Variants in MED27 observed in about 807,000 individuals in gnomAD.
MED27 encodes the protein mediator of RNA polymerase II transcription subunit 27.
In MED27, 30 loss-of-function variants were observed where a neutral mutation model predicts 38.2. The observed-to-expected ratio is 0.79, with a 90% confidence interval of 0.59 to 1.07. The LOEUF is 1.07. Ranked by LOEUF, MED27 falls within the 50% of genes least tolerant of loss-of-function variation. MED27 has a pLI of 0.00. For synonymous variants in MED27, 122 were observed against 153.5 expected (o/e 0.79, Z 1.52); for missense variants, 289 against 397.5 (o/e 0.73, Z 2.32).
intron 4 of MED27, among the ~76,000 whole-genome samples, chr9:131,909,527 T>C (rs951615847): frequency 2.0e-5 from 3 of 152,152 alleles, no homozygotes; most frequent in Non-Finnish European, 2.9e-5. Flanking sequence ...GTGAAGGTGG[T>C]CCCCACACAG....
chr9:131,880,816 C>T (rs1162220547), intron 6 of MED27, among the ~76,000 whole-genome samples: 1 of 152,068 alleles, frequency 6.6e-6, no homozygotes, highest in East Asian at 1.9e-4. Context: ...CTTTCTAAAT[C>T]TATGCTTCAC....
intron 3 of MED27, among the ~76,000 whole-genome samples, chr9:131,950,833 G>A (rs557152336): frequency 3.3e-5 from 5 of 152,216 alleles, no homozygotes; most frequent in Admixed American, 6.5e-5. Flanking sequence ...CAATAAACAT[G>A]TGGTGAACGG....
At chr9:131,884,244 T>C (rs1589183766) in intron 5 of MED27, 145 bp from the exon 6 acceptor site, 1 of 547,892 alleles carries the variant, frequency 1.8e-6, no homozygotes, top group African/African-American at 2.0e-5. Context: ...TTGAAAAGGA[T>C]CTTAAATGTC....
intron 2 of MED27, among the ~76,000 whole-genome samples, chr9:132,043,076 A>T (rs1289451990): frequency 6.6e-6 from 1 of 152,068 alleles, no homozygotes; most frequent in Non-Finnish European, 1.5e-5. Flanking sequence ...AATTTAAATG[A>T]CTCTTCAGAA....
chr9:131,978,065 C>T (rs758326503), intron 3 of MED27, among the ~76,000 whole-genome samples: 1 of 152,180 alleles, frequency 6.6e-6, no homozygotes, highest in South Asian at 2.1e-4. Flanking sequence ...ACAATACCAT[C>T]GATGAAGCAG....
chr9:131,956,908 C>G (rs1831116417), intron 3 of MED27, among the ~76,000 whole-genome samples: 1 of 150,984 alleles, frequency 6.6e-6, no homozygotes, highest in South Asian at 2.1e-4. Context: ...TACTTTGTAA[C>G]AAGGACATGC....
intron 2 of MED27, among the ~76,000 whole-genome samples, chr9:132,044,531 G>T (rs1461177619): frequency 6.6e-6 from 1 of 152,238 alleles, no homozygotes; most frequent in Non-Finnish European, 1.5e-5. Context: ...AGACGAGGCC[G>T]ACTTCACCTC....
At chr9:131,927,905 TC>T (rs1247990997) in intron 4 of MED27, among the ~76,000 whole-genome samples, 1 of 152,156 alleles carries the variant, frequency 6.6e-6, no homozygotes, top group Admixed American at 6.5e-5. Context: ...GTCAGGAGCT[TC>T]TTGGCAGGGA....
intron 2 of MED27, among the ~76,000 whole-genome samples, chr9:132,019,550 A>G (rs1251028644): frequency 1.3e-5 from 2 of 152,204 alleles, no homozygotes; most frequent in African/African-American, 2.4e-5. Flanking sequence ...GACTGCCCCT[A>G]GATGACTTCA....
chr9:132,010,005 A>G (rs1161253582), intron 3 of MED27, among the ~76,000 whole-genome samples: 6 of 152,156 alleles, frequency 3.9e-5, no homozygotes, highest in Admixed American at 3.9e-4. Context: ...ATTTTCTCCC[A>G]TTCTGTAGGT....
intron 4 of MED27, among the ~76,000 whole-genome samples, chr9:131,918,434 A>G (rs1830331768): frequency 6.6e-6 from 1 of 152,244 alleles, no homozygotes; most frequent in Admixed American, 6.5e-5. Flanking sequence ...GAAATTAACT[A>G]AACAGACAAT....
intron 2 of MED27, among the ~76,000 whole-genome samples, chr9:132,063,426 C>T (rs1023572118): frequency 2.0e-5 from 3 of 152,206 alleles, no homozygotes; most frequent in East Asian, 1.9e-4. Context: ...GAAATTACCA[C>T]GTTCTGGCTT....
intron 3 of MED27, among the ~76,000 whole-genome samples, chr9:132,009,268 T>C (rs1051362847): frequency 1.3e-5 from 2 of 152,238 alleles, no homozygotes; most frequent in African/African-American, 4.8e-5. Flanking sequence ...CCATTGTTCC[T>C]GTGTGCGATG....
chr9:131,952,871 C>T (rs1373121573), intron 3 of MED27, among the ~76,000 whole-genome samples: 1 of 152,246 alleles, frequency 6.6e-6, no homozygotes, highest in Non-Finnish European at 1.5e-5. Flanking sequence ...ACCCTGCCCA[C>T]ACCTTTGGAA....
chr9:131,884,595 A>G (rs1589184015), intron 5 of MED27, among the ~76,000 whole-genome samples: 1 of 141,556 alleles, frequency 7.1e-6, no homozygotes, highest in Non-Finnish European at 1.5e-5. Flanking sequence ...TGTTACCTTG[A>G]TTCTCTTTAC....
At chr9:131,951,294 A>C (rs1053702838) in intron 3 of MED27, among the ~76,000 whole-genome samples, 3 of 152,214 alleles carry the variant, frequency 2.0e-5, no homozygotes, top group Non-Finnish European at 4.4e-5. Flanking sequence ...TACACATCAC[A>C]GTCTATCTCA....
intron 2 of MED27, among the ~76,000 whole-genome samples, chr9:132,054,385 C>T (rs1235598391): frequency 1.3e-5 from 2 of 152,224 alleles, no homozygotes; most frequent in South Asian, 2.1e-4. Context: ...TGTCCCGCCA[C>T]GCTTGTGCAG....
intron 2 of MED27, among the ~76,000 whole-genome samples, chr9:132,042,341 G>A (rs1365377845): frequency 6.6e-6 from 1 of 152,214 alleles, no homozygotes; most frequent in Middle Eastern, 3.2e-3. Flanking sequence ...AACTCTTTAT[G>A]CTCGAAAGTG....
rs1345922781 is a variant in MED27, at chr9:131,862,921, T to C, written c.801+142A>G. 6 of 605,234 alleles carry C rather than the reference T, an allele frequency of 9.9e-6. No individual in the cohort carries two copies. Among genetic ancestry groups the C allele is most frequent in the East Asian group, 5.5e-5 (2 of 36,214 alleles). 37.5% of individuals were successfully genotyped at this position (605,234 alleles called of 1,614,324 possible). ...AGATCCCTTCGCAGTTTAAAGAAAG[T>C]AGCAGTTTTAAACTGGCAGCCCCAT... On this transcript the variant is annotated intron_variant, in intron 7 of 7. Transcript: ENST00000292035. The surrounding 1 kb of genome is among the most constrained non-coding windows in gnomAD (Gnocchi z 4.6).
Sources: gnomAD v4.1 joint callset for allele counts (sites outside exome capture counted in the v4.1 genomes callset) on GRCh38, gnomAD v4.1.1 for gene constraint, Gnocchi (gnomAD v3.1) non-coding constraint, MANE v1.5 for transcripts, NCBI Gene and HGNC (gene_info 2026-07-23, HGNC 2026-07-21) for gene names.